CLUL1: variants seen among roughly 807,000 people sequenced by gnomAD.
The protein encoded by CLUL1 is clusterin like 1, also known as clusterin-like protein 1.
A neutral mutation model predicts 49.4 loss-of-function variants in CLUL1; 43 were observed. The observed-to-expected ratio is 0.87, with a 90% CI of 0.68 to 1.12. The LOEUF is 1.12. Ranked by LOEUF, CLUL1 falls within the 50% of genes most tolerant of loss-of-function variation. CLUL1 has a pLI of 0.00. For synonymous variants in CLUL1, 192 were observed against 184.9 expected, an observed-to-expected ratio of 1.04 and a Z score of -0.31; for missense variants, 486 against 544.4, an observed-to-expected ratio of 0.89 and a Z score of 1.07.
At chr18:642,509 T>C (rs2074371953) in intron 8 of CLUL1, among the ~76,000 whole-genome samples, 1 of 152,196 alleles carries the variant, frequency 6.6e-6, no homozygotes, top group Non-Finnish European at 1.5e-5. Context: ...TCAATAACTT[T>C]TTGCATAACA....
At chr18:634,508 T>C (rs1350384294) in intron 7 of CLUL1, among the ~76,000 whole-genome samples, 1 of 152,194 alleles carries the variant, frequency 6.6e-6, no homozygotes, top group African/African-American at 2.4e-5. Flanking sequence ...CTTGTGATTT[T>C]TTTTATGATT....
At chr18:622,560 C>T (rs1042635595) in intron 4 of CLUL1, among the ~76,000 whole-genome samples, 1 of 152,268 alleles carries the variant, frequency 6.6e-6, no homozygotes, top group East Asian at 1.9e-4. Context: ...AAACGGAAGG[C>T]GTCGATAGGA....
rs2073366680 is a variant in CLUL1 at position 618,212 on chromosome 18, C to T, written c.106+106C>T. 6 of 816,598 alleles carry T rather than the reference C, an allele frequency of 7.3e-6. No homozygotes were observed. Among genetic ancestry groups the T allele is most frequent in the East Asian group, 2.6e-5 (1 of 37,868 alleles). 50.6% of individuals were successfully genotyped at this position (816,598 alleles called of 1,614,324 possible). On this transcript the variant is annotated intron_variant, in intron 3 of 9. Coordinates refer to ENST00000692774, the MANE Select transcript of CLUL1 (RefSeq NM_001393344.1). The surrounding 1 kb of genome is among the most constrained non-coding windows in gnomAD (Gnocchi z 4.2). ...GAGATAACCATATTCGCTGTTTTCA[C>T]GGTGAAACGTTCTCAAGGCGCTTAA...
At chr18:647,556 T>G (rs1038224448) in intron 9 of CLUL1, among the ~76,000 whole-genome samples, 4 of 152,066 alleles carry the variant, frequency 2.6e-5, no homozygotes, top group African/African-American at 9.7e-5. Context: ...GCTGCAGTTG[T>G]TTTTAGTCCT....
chr18:638,014 A>T (rs2074205726), intron 7 of CLUL1, among the ~76,000 whole-genome samples: 1 of 152,094 alleles, frequency 6.6e-6, no homozygotes, highest in African/African-American at 2.4e-5. Flanking sequence ...TTAAAAAAAT[A>T]AAAAAGGAGT....
chr18:618,924 T>C lies in CLUL1; in HGVS notation c.107-289T>C, dbSNP rs1486701504. Among the ~76,000 whole-genome samples the C allele has an allele frequency of 6.6e-6, 1 of 151,572 alleles. No individual in the cohort carries two copies. Among genetic ancestry groups the C allele is most frequent in the Non-Finnish European group, 1.5e-5 (1 of 67,924 alleles). On this transcript the variant is annotated intron_variant, in intron 3 of 9. Coordinates refer to ENST00000692774, the MANE Select transcript of CLUL1 (RefSeq NM_001393344.1). This position sits in a 1 kb window ranked among gnomAD's most constrained non-coding sequence, Gnocchi z 4.2. ...AATATAAACACACTTGAGTCTTAAA[T>C]GAAAGAAAAAAAATGGATAAATGAA... is the stretch of plus-strand genomic sequence containing the variant.
intron 2 of CLUL1, among the ~76,000 whole-genome samples, chr18:615,940 TAAAAGGC>T (rs2073275580): frequency 6.6e-6 from 1 of 152,158 alleles, no homozygotes; most frequent in African/African-American, 2.4e-5. Flanking sequence ...ATAGGGCGCC[TAAAAGGC>T]AGGTGGCCCA....
intron 4 of CLUL1, among the ~76,000 whole-genome samples, chr18:620,736 G>A (rs541590089): frequency 1.0e-3 from 157 of 152,276 alleles, no homozygotes; most frequent in Non-Finnish European, 1.0e-3. Context: ...ATATTCAAAT[G>A]TCTTTGGAAG....
intron 8 of CLUL1, among the ~76,000 whole-genome samples, chr18:642,387 G>A (rs1287335246): frequency 2.6e-5 from 4 of 152,114 alleles, no homozygotes; most frequent in Non-Finnish European, 4.4e-5. Context: ...AGCTGAGATC[G>A]TGCCACTGCA....
intron 1 of CLUL1, among the ~76,000 whole-genome samples, chr18:600,881 A>T (rs2072808739): frequency 6.6e-6 from 1 of 152,230 alleles, no homozygotes; most frequent in Non-Finnish European, 1.5e-5. Flanking sequence ...TCTACATTTT[A>T]AAAAATTGGC....
At chr18:646,402 C>T (rs1033437986) in intron 9 of CLUL1, among the ~76,000 whole-genome samples, 13 of 150,106 alleles carry the variant, frequency 8.7e-5, no homozygotes, top group South Asian at 2.1e-4. Context: ...AGTTTAGATA[C>T]GGGAACTGGT....
rs763636593 is a variant in CLUL1 at position 641,449 on chromosome 18, T to A, written c.1117T>A (p.Tyr373Asn). ...CCGGAAGCACTTGGAGGACACCGCC[T>A]ATCTGGTGGAGAAGATGAGAGGGCA... ...MTRKHLEDTAYLVEKMRGQFG... is the reference protein window; with the variant it reads ...MTRKHLEDTANLVEKMRGQFG... The change falls in exon 8 of 10, where the codon TAT becomes AAT. Residue 373 changes from tyrosine (Y) to asparagine (N), a missense_variant. By Grantham distance (143) the Tyr-to-Asn change is moderately radical (BLOSUM62 -2). Coordinates refer to ENST00000692774, the MANE Select transcript of CLUL1 (RefSeq NM_001393344.1). 1.2e-6 allele frequency: 2 copies of A among 1,614,226 alleles called. No homozygotes were observed. Among genetic ancestry groups the A allele is most frequent in the Non-Finnish European group, 1.7e-6 (2 of 1,180,044 alleles).
In CLUL1 at chr18:619,199, C is replaced by T; in HGVS notation, c.107-14C>T. On this transcript the variant is annotated splice_polypyrimidine_tract_variant and intron_variant, in intron 3 of 9. Coordinates refer to ENST00000692774, the MANE Select transcript of CLUL1 (RefSeq NM_001393344.1). ...GATCAGATCTCAAAGAAAAAATTGC[C>T]ACATGTCTTTTAGGTTTTTCTGAGG... The T allele has an allele frequency of 6.2e-7, 1 of 1,607,148 alleles. No homozygotes were observed. Among genetic ancestry groups the T allele is most frequent in the African/African-American group, 1.3e-5 (1 of 74,366 alleles).
chr18:641,030 CT>C (rs1159593968), intron 7 of CLUL1, among the ~76,000 whole-genome samples: 1 of 152,114 alleles, frequency 6.6e-6, no homozygotes, highest in African/African-American at 2.4e-5. Flanking sequence ...GGGACTTCAT[CT>C]GTTTTGGCAA....
chr18:633,521 G>C, intron 7 of CLUL1, 86 bp downstream of exon 7: 1 of 1,174,022 alleles, frequency 8.5e-7, no homozygotes, highest in Non-Finnish European at 1.2e-6. Flanking sequence ...AAAAGAAATA[G>C]CACTCGAATA....
chr18:607,035 A>G lies in CLUL1; in HGVS notation c.-78A>G. Reference sequence around the variant, plus strand: ...TCAGTGGCATGTTCATAGCTCACTGAAGCCTCAAATTCCTGGGTTCAAGTG... The same window carrying G: ...TCAGTGGCATGTTCATAGCTCACTGGAGCCTCAAATTCCTGGGTTCAAGTG... On this transcript the variant is annotated 5_prime_UTR_variant, in exon 2 of 10. It removes the in-frame stop codon of an upstream open reading frame in the 5' UTR. Transcript: ENST00000692774. 1 of 701,292 alleles carries G rather than the reference A, an allele frequency of 1.4e-6. No individual in the cohort carries two copies. The highest frequency in any genetic ancestry group is 1.5e-5 in the South Asian group (1 of 67,436). 43.4% of individuals were successfully genotyped at this position (701,292 alleles called of 1,614,324 possible).
At chr18:599,935 C>T (rs1011999422) in intron 1 of CLUL1, among the ~76,000 whole-genome samples, 56 of 140,332 alleles carry the variant, frequency 4.0e-4, no homozygotes, top group African/African-American at 1.5e-3. Context: ...GCTACAGAGC[C>T]AGACTTCATC....
At chr18:624,310 G>A (rs1380668989) in intron 4 of CLUL1, among the ~76,000 whole-genome samples, 3 of 151,718 alleles carry the variant, frequency 2.0e-5, no homozygotes, top group Non-Finnish European at 4.4e-5. Flanking sequence ...CATTCTAATT[G>A]CAGAGATGCC....
At position 650,058 on chromosome 18, in the gene CLUL1, G is replaced by T; in HGVS notation, c.*157G>T. ...ACTCTTAGTTTACTTATGTTGAATG[G>T]CTTAGCTATTAATACTCAAATTGAG... On this transcript the variant is annotated 3_prime_UTR_variant, in exon 10 of 10. Transcript: ENST00000692774. The T allele has an allele frequency of 3.8e-6, 2 of 520,138 alleles. No individual in the cohort carries two copies. The highest frequency in any genetic ancestry group is 3.3e-5 in the Admixed American group (1 of 30,750). The allele number at this position is 520,138 out of a possible 1,614,324, so 32.2% of individuals were successfully genotyped here.
Sources: allele counts gnomAD v4.1 joint callset (sites outside exome capture counted in the v4.1 genomes callset), GRCh38; gene constraint gnomAD v4.1.1; non-coding constraint Gnocchi (gnomAD v3.1); transcripts MANE v1.5; gene names NCBI Gene and HGNC (gene_info 2026-07-23, HGNC 2026-07-21).